The following CTSB variants were observed in gnomAD, a reference collection of about 807,000 sequenced individuals.
CTSB encodes the protein APP secretase.
CTSB carries 57 observed loss-of-function variants against 44.3 expected under a neutral mutation model. The observed-to-expected ratio is 1.29, with a 90% CI of 1.04 to 1.60. CTSB has a LOEUF of 1.60. Ranked by LOEUF, CTSB falls within the 40% of genes most tolerant of loss-of-function variation. The probability of loss-of-function intolerance (pLI) is 0.00; values close to 1 mark genes in which losing one functional copy is unlikely to be tolerated. For missense variants in CTSB, 768 were observed against 443.0 expected, an observed-to-expected ratio of 1.73 and a Z score of -6.59; for synonymous variants, 320 against 168.0, an observed-to-expected ratio of 1.91 and a Z score of -7.00.
At chr8:11,860,077 A>G (rs973238561) in intron 1 of CTSB, among the ~76,000 whole-genome samples, 1 of 152,062 alleles carries the variant, frequency 6.6e-6, no homozygotes, top group Non-Finnish European at 1.5e-5. Context: ...GTCTCAGAGA[A>G]AAAAAAAGAA....
At chr8:11,865,780 C>T (rs565124720) in intron 1 of CTSB, among the ~76,000 whole-genome samples, 2 of 148,572 alleles carry the variant, frequency 1.3e-5, no homozygotes, top group South Asian at 2.1e-4. Flanking sequence ...GAGGCTGAGG[C>T]GGATCACTTG....
chr8:11,863,848 C>G (rs1227198853), intron 1 of CTSB, among the ~76,000 whole-genome samples: 1 of 152,172 alleles, frequency 6.6e-6, no homozygotes, highest in Non-Finnish European at 1.5e-5. Context: ...TGCAACCACA[C>G]TGGAGAACCC....
At position 11,843,232 on chromosome 8, in the gene CTSB, C is replaced by A. The variant is rs1229862113; in HGVS notation, c.*1893G>T. ...AAAGTGCTGGGATTACAGGCGTGAG[C>A]CACGACGGCCGGCTGTTATGCTCAT... On this transcript the variant is annotated 3_prime_UTR_variant, in exon 10 of 10. Coordinates refer to ENST00000353047, the MANE Select transcript of CTSB (RefSeq NM_001908.5). 2 of 152,278 alleles carry A rather than the reference C, an allele frequency of 1.3e-5. No homozygotes were observed. The highest frequency in any genetic ancestry group is 4.8e-5 in the African/African-American group (2 of 41,460). The allele number at this position is 152,278 out of a possible 1,614,324, so 9.4% of individuals were successfully genotyped here. A position where few individuals can be genotyped will look rare whatever the true frequency, so the allele number is the denominator to read the frequency against.
chr8:11,856,815 G>A (rs562793831), intron 1 of CTSB, among the ~76,000 whole-genome samples: 8 of 151,448 alleles, frequency 5.3e-5, no homozygotes, highest in South Asian at 2.1e-4. Context: ...CGGTCACTAC[G>A]GTGGGGAGAC....
At chr8:11,850,647 G>T (rs955585103) in intron 4 of CTSB, 2 of 426,172 alleles carry the variant, frequency 4.7e-6, no homozygotes, top group African/African-American at 2.0e-5. Flanking sequence ...TGTACACGTG[G>T]ACTTGCAATC....
intron 4 of CTSB, 114 bp from the exon 5 acceptor site, chr8:11,849,278 A>C (rs1412333014): frequency 1.7e-5 from 12 of 711,320 alleles, no homozygotes; most frequent in East Asian, 2.7e-5. Flanking sequence ...CTGATCTCTC[A>C]ACACCAGGGG....
intron 1 of CTSB, among the ~76,000 whole-genome samples, chr8:11,854,460 T>C (rs754085958): frequency 2.6e-4 from 40 of 151,758 alleles, no homozygotes; most frequent in Non-Finnish European, 4.4e-5. Flanking sequence ...AATAAATATA[T>C]GAGGACAGCA....
intron 1 of CTSB, among the ~76,000 whole-genome samples, chr8:11,856,935 C>G (rs1261713615): frequency 2.0e-5 from 3 of 152,082 alleles, no homozygotes; most frequent in African/African-American, 7.2e-5. Flanking sequence ...TTACTAAAGG[C>G]CCTGAGCCAC....
At chr8:11,867,557 T>A (rs186432888) in intron 1 of CTSB, 1 of 152,152 alleles carries the variant, frequency 6.6e-6, no homozygotes, top group African/African-American at 2.4e-5. Context: ...AAACCGAAAA[T>A]AGATGCCGGC....
Position 11,844,755 on chromosome 8 carries a change from A to T in CTSB, c.*370T>A, listed in dbSNP as rs905257009. The T allele has an allele frequency of 1.5e-4, 28 of 192,124 alleles. No individual in the cohort carries two copies. Among genetic ancestry groups the T allele is most frequent in the Non-Finnish European group, 2.2e-4 (20 of 92,760 alleles). 11.9% of individuals were successfully genotyped at this position (192,124 alleles called of 1,614,324 possible). ...CTACTTGCTTGGAGGTACTGGGGGA[A>T]CTGATGGGGGAACTTTCATCCTGTT... On this transcript the variant is annotated 3_prime_UTR_variant, in exon 10 of 10. Transcript: ENST00000353047.
chr8:11,852,191 C>T (rs1321188748), intron 3 of CTSB, among the ~76,000 whole-genome samples: 24 of 152,158 alleles, frequency 1.6e-4, no homozygotes, highest in Admixed American at 1.3e-3. Flanking sequence ...GCCAGTATGG[C>T]GAAACCCAGT....
rs760309398 is a variant in CTSB, at chr8:11,849,131, T to C, written c.361A>G (p.Ile121Val). 3 of 1,613,196 alleles carry C rather than the reference T, an allele frequency of 1.9e-6. No homozygotes were observed. Among genetic ancestry groups the C allele is most frequent in the African/African-American group, 1.3e-5 (1 of 75,018 alleles). The change falls in exon 5 of 10, where the codon ATC becomes GTC. Residue 121 changes from isoleucine (I) to valine (V), a missense_variant. Physicochemically the swap from Ile to Val is conservative, Grantham distance 29. Coordinates refer to ENST00000353047, the MANE Select transcript of CTSB (RefSeq NM_001908.5). ...FGAVEAISDR[I>V]CIHTNAHVSV... ...ACGTGCGCATTGGTGTGGATGCAGATCCGGTCAGAGATGGCTTCCACAGCC... is the reference window on the plus strand; with the variant it reads ...ACGTGCGCATTGGTGTGGATGCAGACCCGGTCAGAGATGGCTTCCACAGCC...
chr8:11,865,157 A>C (rs1370270469), intron 1 of CTSB, among the ~76,000 whole-genome samples: 1 of 152,102 alleles, frequency 6.6e-6, no homozygotes, highest in African/African-American at 2.4e-5. Context: ...CTGTCACCCC[A>C]ACCATCTCCC....
At chr8:11,846,510 C>T (rs984025270) in intron 8 of CTSB, 4 of 152,782 alleles carry the variant, frequency 2.6e-5, no homozygotes, top group South Asian at 2.1e-4. Flanking sequence ...TAAGACAGGA[C>T]TTGGGGATGG....
At chr8:11,863,571 C>T (rs1293306) in intron 1 of CTSB, among the ~76,000 whole-genome samples, 51,285 of 151,964 alleles carry the variant, frequency 0.34, 8,753 homozygotes, top group East Asian at 0.46. Flanking sequence ...AATTTTTGCA[C>T]GAGTAAAAAC....
chr8:11,849,005 T>G (rs373588083), intron 5 of CTSB, 41 bp downstream of exon 5: 8 of 1,471,938 alleles, frequency 5.4e-6, no homozygotes, highest in Non-Finnish European at 6.6e-6. Flanking sequence ...GCCCAGGGTC[T>G]CTCAGCACTA....
At chr8:11,866,767 G>A (rs979792884) in intron 1 of CTSB, among the ~76,000 whole-genome samples, 1 of 152,210 alleles carries the variant, frequency 6.6e-6, no homozygotes, top group African/African-American at 2.4e-5. Context: ...GGCTGAGGCA[G>A]GAGAATAGCT....
At position 11,845,779 on chromosome 8, in the gene CTSB, T is replaced by C. The variant is rs768495440; in HGVS notation, c.804A>G (p.Gln268=). The C allele has an allele frequency of 1.5e-5, 25 of 1,613,560 alleles. No homozygotes were observed. Among genetic ancestry groups the C allele is most frequent in the East Asian group, 2.2e-5 (1 of 44,866 alleles). The change falls in exon 9 of 10, where the codon CAA becomes CAG. Residue 268 remains glutamine (Q), a synonymous_variant. Coordinates refer to ENST00000353047, the MANE Select transcript of CTSB (RefSeq NM_001908.5). Reference sequence around the variant, plus strand: ...CACCCATCATCTCTCCGGTGACGTGTTGGTACACTCCTGAAAAGGGAAGAA... The same window carrying C: ...CACCCATCATCTCTCCGGTGACGTGCTGGTACACTCCTGAAAAGGGAAGAA... ...DFLLYKSGVY[Q]HVTGEMMGGH...
chr8:11,847,127 T>C lies in CTSB; in HGVS notation c.718A>G (p.Met240Val). The change falls in exon 8 of 10, where the codon ATG becomes GTG. Residue 240 changes from methionine to valine, a missense_variant. Physicochemically the swap from Met to Val is conservative, Grantham distance 21. Coordinates refer to ENST00000353047, the MANE Select transcript of CTSB (RefSeq NM_001908.5). ...YSVSNSEKDI[M>V]AEIYKNGPVE... ...GGGCCGTTTTTGTAGATCTCGGCCA[T>C]GATGTCCTTCTCGCTATTGGAGACG... The C allele has an allele frequency of 1.2e-6, 2 of 1,611,420 alleles. No homozygotes were observed. Among genetic ancestry groups the C allele is most frequent in the South Asian group, 1.1e-5 (1 of 90,934 alleles).
Sources: gnomAD v4.1 joint callset for allele counts (sites outside exome capture counted in the v4.1 genomes callset) on GRCh38, gnomAD v4.1.1 for gene constraint, MANE v1.5 for transcripts, NCBI Gene and HGNC (gene_info 2026-07-23, HGNC 2026-07-21) for gene names.